Variants in RAB6B observed in about 807,000 individuals in gnomAD.
RAB6B encodes ras-related protein Rab-6B.
In RAB6B, 7 loss-of-function variants were observed where a neutral mutation model predicts 31.2. That is an observed-to-expected ratio of 0.22 (90% CI 0.13 to 0.42). RAB6B has a LOEUF of 0.42. Among genes scored for constraint, RAB6B ranks in the 10% least tolerant of loss-of-function variants. The pLI, the probability that RAB6B is intolerant of heterozygous loss-of-function variation, is 1.00. For missense variants in RAB6B, 149 were observed against 280.6 expected, an observed-to-expected ratio of 0.53 and a Z score of 3.35; for synonymous variants, 105 against 104.9, an observed-to-expected ratio of 1.00 and a Z score of -0.01.
chr3:133,864,558 T>C (rs1936208655), intron 2 of RAB6B, 26 bp downstream of exon 2: 2 of 1,609,176 alleles, frequency 1.2e-6, no homozygotes, highest in Admixed American at 1.7e-5. Context: ...CCAGATGATA[T>C]GGAGGGTGAG....
rs773203969 is a variant in RAB6B at position 133,828,771 on chromosome 3, C to T, written c.*17G>A. ...ACAAGCAAGGAGTGTCATGGGAAGCCACAGGTCGGCTCTGCATTAGCAGGA... is the reference window on the plus strand; with the variant it reads ...ACAAGCAAGGAGTGTCATGGGAAGCTACAGGTCGGCTCTGCATTAGCAGGA... On this transcript the variant is annotated 3_prime_UTR_variant, in exon 8 of 8. Transcript: ENST00000285208. 1.5e-5 allele frequency: 24 copies of T among 1,598,326 alleles called. No homozygotes were observed. In the South Asian group the frequency reaches 1.5e-4, roughly 10 times the overall value.
intron 2 of RAB6B, among the ~76,000 whole-genome samples, chr3:133,846,374 G>A (rs2107993988): frequency 6.6e-6 from 1 of 152,168 alleles, no homozygotes; most frequent in East Asian, 1.9e-4. Flanking sequence ...TTGAATCTGG[G>A]AGGCAGAGGT....
At chr3:133,882,214 T>C (rs142169590) in intron 1 of RAB6B, among the ~76,000 whole-genome samples, 253 of 152,328 alleles carry the variant, frequency 1.7e-3, no homozygotes, top group African/African-American at 5.7e-3. Flanking sequence ...CACAGCAGCT[T>C]ACTTCTTCAA....
intron 1 of RAB6B, among the ~76,000 whole-genome samples, chr3:133,877,242 A>T (rs1936409293): frequency 6.6e-6 from 1 of 152,232 alleles, no homozygotes; most frequent in South Asian, 2.1e-4. Flanking sequence ...GGAGATGCAG[A>T]AAGGGAATGG....
At chr3:133,829,864 T>C (rs2107984542) in intron 7 of RAB6B, among the ~76,000 whole-genome samples, 1 of 152,350 alleles carries the variant, frequency 6.6e-6, no homozygotes. Flanking sequence ...GCATACATTT[T>C]GAGTATGACT....
At chr3:133,863,505 C>T (rs1372931424) in intron 2 of RAB6B, among the ~76,000 whole-genome samples, 2 of 152,186 alleles carry the variant, frequency 1.3e-5, no homozygotes, top group African/African-American at 4.8e-5. Context: ...TTTGAGAACT[C>T]GATAACCAAG....
intron 2 of RAB6B, among the ~76,000 whole-genome samples, chr3:133,849,757 T>G (rs1269941260): frequency 6.6e-6 from 1 of 152,168 alleles, no homozygotes; most frequent in Non-Finnish European, 1.5e-5. Context: ...GGCTACCTAC[T>G]GTCATAATCT....
chr3:133,870,081 C>T (rs1026781010), intron 1 of RAB6B, among the ~76,000 whole-genome samples: 5 of 152,142 alleles, frequency 3.3e-5, no homozygotes, highest in Non-Finnish European at 2.9e-5. Context: ...TGAAGAAATA[C>T]GTGAGACTGG....
intron 2 of RAB6B, among the ~76,000 whole-genome samples, chr3:133,857,430 A>G (rs1196289366): frequency 1.1e-4 from 10 of 93,052 alleles, no homozygotes; most frequent in South Asian, 6.5e-4. Context: ...TGAAGGGAAA[A>G]AAAAAAAAAA....
intron 7 of RAB6B, among the ~76,000 whole-genome samples, chr3:133,833,100 A>G (rs1935679065): frequency 6.6e-6 from 1 of 152,092 alleles, no homozygotes; most frequent in African/African-American, 2.4e-5. Context: ...GATCGCCTGC[A>G]CCTTGTCTGC....
intron 1 of RAB6B, among the ~76,000 whole-genome samples, chr3:133,886,706 C>T (rs147080317): frequency 1.3e-5 from 2 of 152,326 alleles, no homozygotes; most frequent in Admixed American, 6.5e-5. Context: ...CCCCACAGTT[C>T]ACAATACAGA....
intron 7 of RAB6B, among the ~76,000 whole-genome samples, chr3:133,831,093 AC>A (rs1409081905): frequency 3.3e-5 from 5 of 152,204 alleles, no homozygotes; most frequent in Non-Finnish European, 1.5e-5. Context: ...GACCACTAAA[AC>A]AATCTCATGC....
intron 1 of RAB6B, among the ~76,000 whole-genome samples, chr3:133,886,933 G>C (rs1936556456): frequency 6.6e-6 from 1 of 151,914 alleles, no homozygotes; most frequent in African/African-American, 2.4e-5. Context: ...AGCACAGGTG[G>C]TGCCATTGCA....
chr3:133,864,983 G>A (rs928337386), intron 1 of RAB6B, among the ~76,000 whole-genome samples: 4 of 152,252 alleles, frequency 2.6e-5, no homozygotes, highest in South Asian at 2.1e-4. Context: ...ATCAAGGTAA[G>A]TGGGTGCAAA....
intron 1 of RAB6B, among the ~76,000 whole-genome samples, chr3:133,888,443 T>C (rs1470397372): frequency 6.6e-6 from 1 of 152,188 alleles, no homozygotes; most frequent in East Asian, 1.9e-4. Flanking sequence ...AACCTTTGCT[T>C]TGAAAGCTCT....
intron 6 of RAB6B, among the ~76,000 whole-genome samples, 185 bp from the exon 7 acceptor site, chr3:133,834,826 A>G (rs1443013477): frequency 2.6e-5 from 4 of 152,102 alleles, no homozygotes; most frequent in Non-Finnish European, 5.9e-5. Context: ...CTCTCACAGC[A>G]TTGGGTCTGG....
intron 1 of RAB6B, among the ~76,000 whole-genome samples, chr3:133,870,200 T>C (rs1377059197): frequency 6.6e-6 from 1 of 152,120 alleles, no homozygotes; most frequent in Non-Finnish European, 1.5e-5. Flanking sequence ...AGGCACCTTC[T>C]TCACAAGGCA....
At chr3:133,873,009 C>T (rs925618116) in intron 1 of RAB6B, among the ~76,000 whole-genome samples, 2 of 152,110 alleles carry the variant, frequency 1.3e-5, no homozygotes, top group Admixed American at 6.6e-5. Context: ...GGAGGCGGAC[C>T]GATGCCTGAC....
At chr3:133,870,212 C>G (rs1027965057) in intron 1 of RAB6B, among the ~76,000 whole-genome samples, 1 of 152,090 alleles carries the variant, frequency 6.6e-6, no homozygotes, top group South Asian at 2.1e-4. Context: ...CACAAGGCAG[C>G]GGGACAGAGT....
Sources: allele counts gnomAD v4.1 joint callset (sites outside exome capture counted in the v4.1 genomes callset), GRCh38; gene constraint gnomAD v4.1.1; transcripts MANE v1.5; gene names NCBI Gene and HGNC (gene_info 2026-07-23, HGNC 2026-07-21).